Variants in COL24A1 observed in about 807,000 individuals in gnomAD.
COL24A1 encodes collagen alpha-1(XXIV) chain.
COL24A1 carries 224 observed loss-of-function variants against 253.9 expected under a neutral mutation model. The observed-to-expected ratio is 0.88, with a 90% CI of 0.79 to 0.99. The LOEUF is 0.99. Among genes scored for constraint, COL24A1 ranks in the 50% least tolerant of loss-of-function variants. The pLI, the probability that COL24A1 is intolerant of heterozygous loss-of-function variation, is 0.00. For synonymous variants in COL24A1, 685 were observed against 673.7 expected (o/e 1.02, Z -0.26); for missense variants, 2,131 against 2,068.5 (o/e 1.03, Z -0.59).
At chr1:86,018,562 GC>G (rs1375600515) in intron 18 of COL24A1, among the ~76,000 whole-genome samples, 1 of 152,134 alleles carries the variant, frequency 6.6e-6, no homozygotes, top group Non-Finnish European at 1.5e-5. Flanking sequence ...ATACCCTAGG[GC>G]TTTGTTTTCA....
chr1:85,945,018 T>TGTTTTTTG (rs1689167685), intron 24 of COL24A1, among the ~76,000 whole-genome samples: 3 of 86,852 alleles, frequency 3.5e-5, no homozygotes, highest in African/African-American at 1.3e-4. Context: ...TTTTTTTTTT[T>TGTTTTTTG]TTTTTTTTTT....
rs896767189 is a variant in COL24A1, at chr1:86,143,477, T to TA, written c.121+2641dup. 1.5e-4 allele frequency among the ~76,000 whole-genome samples: 23 copies of TA among 152,142 alleles called. 1 individual carries two copies. The highest frequency in any genetic ancestry group is 3.1e-4 in the African/African-American group (13 of 41,528). On this transcript the variant is annotated intron_variant, in intron 2 of 59. Transcript: ENST00000370571. ...AATATAAACGTACATGGCTCAGTGA[T>TA]AAAAAAATATACACATGGTCATAAT...
intron 5 of COL24A1, among the ~76,000 whole-genome samples, chr1:86,105,655 A>G (rs1167277289): frequency 6.7e-6 from 1 of 148,988 alleles, no homozygotes; most frequent in East Asian, 2.0e-4. Context: ...ATTCCTGGCC[A>G]TGCTCCACCA....
Position 85,971,381 on chromosome 1 carries a change from T to C in COL24A1, c.2377A>G (p.Asn793Asp). ...GPEGPKGLLG[N>D]RGPPGPPGLK... ...CCAGGAGGTCCAGGAGGTCCTCTAT[T>C]TCCAAGGAGTCCCTATAAAAGCAAT... Residue 793 changes from asparagine to aspartate, a missense_variant, in exon 21 of 60, where the codon AAT (asparagine) becomes GAT (aspartate). Coordinates refer to ENST00000370571, the MANE Select transcript of COL24A1 (RefSeq NM_152890.7). 1 of 1,611,926 alleles carries C rather than the reference T, an allele frequency of 6.2e-7. No individual in the cohort carries two copies. The highest frequency in any genetic ancestry group is 8.5e-7 in the Non-Finnish European group (1 of 1,178,938).
intron 37 of COL24A1, among the ~76,000 whole-genome samples, chr1:85,857,960 G>A (rs1484948820): frequency 1.3e-5 from 2 of 152,164 alleles, no homozygotes; most frequent in Non-Finnish European, 2.9e-5. Context: ...TATCCACTCA[G>A]TTGCTCAGGC....
At chr1:85,911,995 A>G (rs1685419948) in intron 24 of COL24A1, among the ~76,000 whole-genome samples, 1 of 152,192 alleles carries the variant, frequency 6.6e-6, no homozygotes. Flanking sequence ...AAGCAACTAA[A>G]TTAAAAGTTA....
At position 86,023,054 on chromosome 1, in the gene COL24A1, T is replaced by C. The variant is rs535715779; in HGVS notation, c.2050-47A>G. 2.6e-6 allele frequency: 4 copies of C among 1,568,310 alleles called. No homozygotes were observed. In the African/African-American group the frequency reaches 4.1e-5, roughly 16 times the overall value. On this transcript the variant is annotated intron_variant, in intron 14 of 59. Coordinates refer to ENST00000370571, the MANE Select transcript of COL24A1 (RefSeq NM_152890.7). Reference sequence around the variant, plus strand: ...ATGCATCATTAAGCATTCATTAGGATTAGAAAGAAAATGTGGCAGAATTAA... The same window carrying C: ...ATGCATCATTAAGCATTCATTAGGACTAGAAAGAAAATGTGGCAGAATTAA...
chr1:85,926,593 C>T (rs1398774678), intron 24 of COL24A1, among the ~76,000 whole-genome samples: 2 of 151,830 alleles, frequency 1.3e-5, no homozygotes, highest in African/African-American at 4.8e-5. Flanking sequence ...TGCATGTTCT[C>T]ACTCATAGGT....
At chr1:86,138,259 C>T (rs7516054) in intron 2 of COL24A1, among the ~76,000 whole-genome samples, 107,887 of 152,112 alleles carry the variant, frequency 0.71, 39,355 homozygotes, top group Non-Finnish European at 0.79. Context: ...CTGAGTATAA[C>T]GAATTTTGGT....
At chr1:85,977,735 A>C (rs959037949) in intron 20 of COL24A1, among the ~76,000 whole-genome samples, 3 of 152,210 alleles carry the variant, frequency 2.0e-5, no homozygotes, top group African/African-American at 4.8e-5. Flanking sequence ...GATGGTGTTA[A>C]ATGGCCAAAC....
At chr1:86,027,167 T>C (rs1186025972) in intron 14 of COL24A1, among the ~76,000 whole-genome samples, 5 of 152,044 alleles carry the variant, frequency 3.3e-5, no homozygotes, top group Admixed American at 6.6e-5. Context: ...GGAAGCAAAG[T>C]ATAAAAAAGT....
In COL24A1 at chr1:85,733,408, C is replaced by T. The variant is rs1167019384; in HGVS notation, c.4998+1341G>A. ...CTTACTCAACTCTGCCATTGTAGTGCCATAACAGCCATAGATAATAAGTAA... is the reference window on the plus strand; with the variant it reads ...CTTACTCAACTCTGCCATTGTAGTGTCATAACAGCCATAGATAATAAGTAA... On this transcript the variant is annotated intron_variant, in intron 59 of 59. Coordinates refer to ENST00000370571, the MANE Select transcript of COL24A1 (RefSeq NM_152890.7). 2.0e-5 allele frequency among the ~76,000 whole-genome samples: 3 copies of T among 152,086 alleles called. No individual in the cohort carries two copies. The East Asian group carries it at 5.8e-4, about 29-fold the overall frequency.
At chr1:85,794,309 C>T (rs1670599297) in intron 47 of COL24A1, among the ~76,000 whole-genome samples, 1 of 152,056 alleles carries the variant, frequency 6.6e-6, no homozygotes, top group Non-Finnish European at 1.5e-5. Flanking sequence ...TCTTCATTTT[C>T]TAATATAAAA....
At chr1:85,922,884 A>C (rs1274718989) in intron 24 of COL24A1, among the ~76,000 whole-genome samples, 1 of 152,242 alleles carries the variant, frequency 6.6e-6, no homozygotes, top group Non-Finnish European at 1.5e-5. Flanking sequence ...AATTGGATAA[A>C]GAGTCAAGAC....
intron 2 of COL24A1, among the ~76,000 whole-genome samples, chr1:86,136,260 C>T (rs1478874409): frequency 6.6e-6 from 1 of 151,972 alleles, no homozygotes; most frequent in Non-Finnish European, 1.5e-5. Context: ...TTCTGCCTTC[C>T]CCAGACCCTG....
In COL24A1 at chr1:86,147,552, C is replaced by A. The variant is rs80089777; in HGVS notation, c.57-1369G>T. On this transcript the variant is annotated intron_variant, in intron 1 of 59. Coordinates refer to ENST00000370571, the MANE Select transcript of COL24A1 (RefSeq NM_152890.7). ...GCCTATGAAACATTCTTATATATGG[C>A]ATTATTCATGTAGATGGATGGTTCC... Among the ~76,000 whole-genome samples the A allele has an allele frequency of 1.2e-4, 19 of 152,254 alleles. No homozygotes were observed. In the East Asian group the frequency reaches 3.7e-3, roughly 29 times the overall value.
At chr1:85,889,734 T>C in intron 31 of COL24A1, 121 bp from the exon 32 acceptor site, 5 of 716,580 alleles carry the variant, frequency 7.0e-6, no homozygotes, top group Non-Finnish European at 9.5e-6. Context: ...TGCTATTCTT[T>C]TTTTTTTTTT....
At chr1:86,057,185 G>A (rs971597843) in intron 10 of COL24A1, among the ~76,000 whole-genome samples, 24 of 152,094 alleles carry the variant, frequency 1.6e-4, no homozygotes, top group Admixed American at 5.2e-4. Flanking sequence ...TTGTTTGAAA[G>A]TGTCTGGGAC....
chr1:86,086,250 C>T (rs2101937635), intron 7 of COL24A1, among the ~76,000 whole-genome samples: 1 of 152,230 alleles, frequency 6.6e-6, no homozygotes, highest in South Asian at 2.1e-4. Flanking sequence ...CACAGATATA[C>T]TTAAATACCA....
Sources: allele counts gnomAD v4.1 joint callset (sites outside exome capture counted in the v4.1 genomes callset), GRCh38; gene constraint gnomAD v4.1.1; transcripts MANE v1.5; gene names NCBI Gene and HGNC (gene_info 2026-07-23, HGNC 2026-07-21).